The following UBXN4 variants were observed in gnomAD, a reference collection of about 807,000 sequenced individuals.
UBXN4 encodes UBX domain-containing protein 4.
Under a neutral mutation model 66.2 loss-of-function variants are expected in UBXN4, and 35 were observed. That is an observed-to-expected ratio of 0.53 (90% confidence interval 0.40 to 0.70). UBXN4 has a LOEUF of 0.70. UBXN4 is among the 30% of genes least tolerant of loss of function. The pLI is 0.00. For missense variants in UBXN4, 533 were observed against 599.8 expected, an observed-to-expected ratio of 0.89 and a Z score of 1.16; for synonymous variants, 203 against 204.5, an observed-to-expected ratio of 0.99 and a Z score of 0.06.
intron 8 of UBXN4, among the ~76,000 whole-genome samples, chr2:135,771,257 A>G (rs1031083676): frequency 2.0e-5 from 3 of 152,124 alleles, no homozygotes; most frequent in African/African-American, 7.2e-5. Context: ...AGGGCGGATC[A>G]CCTCAGGTCG....
rs2077463980 is a variant in UBXN4 at position 135,783,702 on chromosome 2, A to C, written c.*815A>C. On this transcript the variant is annotated 3_prime_UTR_variant, in exon 13 of 13. Coordinates refer to ENST00000272638, the MANE Select transcript of UBXN4 (RefSeq NM_014607.4). ...GATGCAAAACAGCTGCTAGTCTGCA[A>C]CCTAGTTTTCCCTCTCACCTTTAAC... is the stretch of plus-strand genomic sequence containing the variant. 6.6e-6 allele frequency: 1 copy of C among 152,192 alleles called. No individual in the cohort carries two copies. The highest frequency in any genetic ancestry group is 2.1e-4 in the South Asian group (1 of 4,830). 9.4% of individuals were successfully genotyped at this position (152,192 alleles called of 1,614,324 possible).
At chr2:135,752,665 C>T (rs1320492092) in intron 2 of UBXN4, among the ~76,000 whole-genome samples, 1 of 152,126 alleles carries the variant, frequency 6.6e-6, no homozygotes, top group Non-Finnish European at 1.5e-5. Flanking sequence ...ATGGCAGATA[C>T]CAAATTAATT....
At chr2:135,748,468 C>A in intron 2 of UBXN4, 99 bp downstream of exon 2, 1 of 914,716 alleles carries the variant, frequency 1.1e-6, no homozygotes, top group Non-Finnish European at 1.5e-6. Context: ...TGATGTTGGG[C>A]TGGGCACTCC....
intron 12 of UBXN4, 135 bp downstream of exon 12, chr2:135,780,520 G>A: frequency 2.5e-6 from 2 of 794,894 alleles, no homozygotes; most frequent in African/African-American, 1.7e-5. Flanking sequence ...AAACTCCGAT[G>A]CTCTGAAACT....
At chr2:135,776,672 C>T (rs2077416902) in intron 10 of UBXN4, among the ~76,000 whole-genome samples, 1 of 152,226 alleles carries the variant, frequency 6.6e-6, no homozygotes, top group Non-Finnish European at 1.5e-5. Flanking sequence ...CAGCTCCCTG[C>T]AGCCTCGACC....
At chr2:135,774,361 G>T (rs1243217327) in intron 9 of UBXN4, among the ~76,000 whole-genome samples, 1 of 151,996 alleles carries the variant, frequency 6.6e-6, no homozygotes. Flanking sequence ...TAACTTAATG[G>T]ATCATCTACC....
chr2:135,749,798 C>T (rs1466463998), intron 2 of UBXN4, among the ~76,000 whole-genome samples: 2 of 152,102 alleles, frequency 1.3e-5, no homozygotes, highest in African/African-American at 4.8e-5. Context: ...ATTCAAGGGC[C>T]ACACATTAGG....
chr2:135,759,016 C>T (rs192070667), intron 5 of UBXN4, among the ~76,000 whole-genome samples: 26 of 152,294 alleles, frequency 1.7e-4, no homozygotes, highest in African/African-American at 5.5e-4. Context: ...GCCTCAGCTC[C>T]CAAAGTGCTG....
chr2:135,751,383 T>G (rs1028791028), intron 2 of UBXN4, among the ~76,000 whole-genome samples: 2 of 146,184 alleles, frequency 1.4e-5, no homozygotes, highest in South Asian at 4.4e-4. Flanking sequence ...AGAGATGGGG[T>G]TTCACAGTGT....
chr2:135,779,321 A>G (rs1465796933), intron 11 of UBXN4, among the ~76,000 whole-genome samples: 1 of 8,496 alleles, frequency 1.2e-4, no homozygotes, highest in Non-Finnish European at 4.1e-3. Context: ...ATTTTTGTGT[A>G]CAAAAAAAAT....
At chr2:135,759,488 TG>T (rs1488463913) in intron 5 of UBXN4, among the ~76,000 whole-genome samples, 1 of 152,216 alleles carries the variant, frequency 6.6e-6, no homozygotes. Context: ...TTCCACAGTC[TG>T]GATTTTACTG....
chr2:135,779,900 ATAATAT>A (rs1465384628), intron 11 of UBXN4, among the ~76,000 whole-genome samples: 3 of 137,838 alleles, frequency 2.2e-5, no homozygotes, highest in East Asian at 2.0e-4. Flanking sequence ...TATATAAAAT[ATAATAT>A]ATATAATATA....
intron 8 of UBXN4, among the ~76,000 whole-genome samples, 186 bp downstream of exon 8, chr2:135,770,921 GA>G (rs2077379367): frequency 2.0e-5 from 3 of 152,122 alleles, no homozygotes; most frequent in South Asian, 4.1e-4. Context: ...TGATTTTTTT[GA>G]AGTGATTTTT....
rs986055221 is a variant in UBXN4, at chr2:135,769,397, G to T, written c.603-372G>T. 3.4e-5 allele frequency among the ~76,000 whole-genome samples: 5 copies of T among 147,296 alleles called. No individual in the cohort carries two copies. In the East Asian group the frequency reaches 9.9e-4, roughly 29 times the overall value. The stretch of plus-strand genomic sequence containing the variant: ...TGGCCTTAAGTTTTTATTTTTACAG[G>T]TTTTTTTTTTTTTTACCATAGTGCT... On this transcript the variant is annotated intron_variant, in intron 6 of 12. Coordinates refer to ENST00000272638, the MANE Select transcript of UBXN4 (RefSeq NM_014607.4).
At chr2:135,747,017 T>C (rs1286054931) in intron 1 of UBXN4, among the ~76,000 whole-genome samples, 1 of 152,066 alleles carries the variant, frequency 6.6e-6, no homozygotes, top group African/African-American at 2.4e-5. Flanking sequence ...GGTAAGAAAG[T>C]TACATTCTTG....
intron 4 of UBXN4, among the ~76,000 whole-genome samples, chr2:135,754,912 G>T (rs2077270633): frequency 6.6e-6 from 1 of 152,074 alleles, no homozygotes. Context: ...AGCCTCCCCA[G>T]TGGTGGGATT....
intron 2 of UBXN4, among the ~76,000 whole-genome samples, chr2:135,748,727 A>G (rs1337826167): frequency 2.4e-5 from 1 of 41,880 alleles, no homozygotes; most frequent in Non-Finnish European, 1.8e-4. Context: ...TCTGTCTCAA[A>G]AAAAAAAAAA....
chr2:135,741,902 G>A lies in UBXN4; in HGVS notation c.-28G>A, dbSNP rs370256794. ...TTCGGGACTGCGGAGACTACACACCGAGCGAGCGCCTGGGCCCGAAGGGAG... is the reference window on the plus strand; with the variant it reads ...TTCGGGACTGCGGAGACTACACACCAAGCGAGCGCCTGGGCCCGAAGGGAG... On this transcript the variant is annotated 5_prime_UTR_variant, in exon 1 of 13. Transcript: ENST00000272638. 224 of 1,602,376 alleles carry A rather than the reference G, an allele frequency of 1.4e-4. No individual in the cohort carries two copies. The highest frequency in any genetic ancestry group is 1.7e-4 in the Non-Finnish European group (198 of 1,175,066).
In UBXN4 at chr2:135,783,771, A is replaced by G. The variant is rs939923294; in HGVS notation, c.*884A>G. 7 of 152,226 alleles carry G rather than the reference A, an allele frequency of 4.6e-5. No homozygotes were observed. Among genetic ancestry groups the G allele is most frequent in the African/African-American group, 9.6e-5 (4 of 41,464 alleles). 9.4% of individuals were successfully genotyped at this position (152,226 alleles called of 1,614,324 possible). ...AATTACACAAGGACCTAGAGTACCT[A>G]TAGGACAAAAAGTATAGAATAAAAA... is the stretch of plus-strand genomic sequence containing the variant. On this transcript the variant is annotated 3_prime_UTR_variant, in exon 13 of 13. Coordinates refer to ENST00000272638, the MANE Select transcript of UBXN4 (RefSeq NM_014607.4).
Sources: allele counts gnomAD v4.1 joint callset (sites outside exome capture counted in the v4.1 genomes callset), GRCh38; gene constraint gnomAD v4.1.1; transcripts MANE v1.5; gene names NCBI Gene and HGNC (gene_info 2026-07-23, HGNC 2026-07-21).